Variants in PLCZ1 observed in about 807,000 individuals in gnomAD.
PLCZ1 encodes the protein phospholipase C zeta 1, also known as 1-phosphatidylinositol 4,5-bisphosphate phosphodiesterase zeta-1.
A neutral mutation model predicts 76.8 loss-of-function variants in PLCZ1; 64 were observed. The ratio of observed to expected loss-of-function variants is 0.83; its 90% CI spans 0.68 to 1.03. The LOEUF is 1.03. Ranked by LOEUF, PLCZ1 falls within the 50% of genes least tolerant of loss-of-function variation. The pLI is 0.00. For synonymous variants in PLCZ1, 248 were observed against 230.8 expected (o/e 1.07, Z -0.68); for missense variants, 751 against 713.7 (o/e 1.05, Z -0.60).
the PLCZ1 span, among the ~76,000 whole-genome samples, chr12:18,663,713 A>G: frequency 1.3e-5 from 2 of 152,156 alleles, no homozygotes; most frequent in East Asian, 1.9e-4. Context: ...CATGACACCA[A>G]AGACACAAAC....
At position 18,719,484 on chromosome 12, in the gene PLCZ1, T is replaced by C. The variant is rs961126764; in HGVS notation, c.516A>G (p.Thr172=). 1.9e-6 allele frequency: 3 copies of C among 1,582,248 alleles called. No individual in the cohort carries two copies. The highest frequency in any genetic ancestry group is 2.6e-6 in the Non-Finnish European group (3 of 1,161,224). The change falls in exon 5 of 15, where the codon ACA becomes ACG. Residue 172 remains threonine, a synonymous_variant. Transcript: ENST00000266505. ...NDYFISSSHN[T]YLVSDQLLGP... is the part of the protein sequence containing the mutation. ...CCAATAATTGATCAGATACCAAATA[T>C]GTGTTATGTGAAGATGAAATAAAAT...
the PLCZ1 span, among the ~76,000 whole-genome samples, chr12:18,675,440 C>G: frequency 6.6e-6 from 1 of 152,088 alleles, no homozygotes; most frequent in Non-Finnish European, 1.5e-5. Flanking sequence ...ATTAGTACAA[C>G]CTCTGTGGAA....
the PLCZ1 span, among the ~76,000 whole-genome samples, chr12:18,665,337 T>C: frequency 6.6e-6 from 1 of 152,022 alleles, no homozygotes; most frequent in Non-Finnish European, 1.5e-5. Flanking sequence ...AGAATGTATT[T>C]AATACCACTG....
At chr12:18,722,096 G>A (rs1457014652) in intron 4 of PLCZ1, among the ~76,000 whole-genome samples, 2 of 151,872 alleles carry the variant, frequency 1.3e-5, no homozygotes, top group African/African-American at 4.8e-5. Flanking sequence ...CTCCCATTTT[G>A]TCATATAACT....
chr12:18,694,107 C>G (rs114431806), intron 12 of PLCZ1: 4 of 1,006,590 alleles, frequency 4.0e-6, no homozygotes, highest in Admixed American at 2.0e-5. Context: ...TAGTGAACTA[C>G]GGCTGCCATC....
At chr12:18,652,601 G>GC in the PLCZ1 span, among the ~76,000 whole-genome samples, 129 of 152,148 alleles carry the variant, frequency 8.5e-4, no homozygotes, top group African/African-American at 3.0e-3. Context: ...TGTTGTCCCA[G>GC]CCCCACAAAT....
chr12:18,648,931 T>A, the PLCZ1 span, among the ~76,000 whole-genome samples: 1 of 152,062 alleles, frequency 6.6e-6, no homozygotes. Context: ...ATTCAATGTT[T>A]CCCTGTGTAT....
chr12:18,693,581 G>A (rs1954477903), intron 12 of PLCZ1: 1 of 1,593,976 alleles, frequency 6.3e-7, no homozygotes. Context: ...ACTCGGACGG[G>A]AATTGTTTCG....
the PLCZ1 span, among the ~76,000 whole-genome samples, chr12:18,651,296 G>A: frequency 4.0e-5 from 6 of 151,896 alleles, no homozygotes; most frequent in Non-Finnish European, 7.4e-5. Flanking sequence ...AGATGTCTCC[G>A]TCTCTGCCCT....
chr12:18,646,499 G>A, the PLCZ1 span, among the ~76,000 whole-genome samples: 3 of 152,060 alleles, frequency 2.0e-5, no homozygotes, highest in Non-Finnish European at 4.4e-5. Context: ...AGATTGACCT[G>A]GAACTGAATT....
chr12:18,725,291 G>C (rs1019798109), intron 3 of PLCZ1, among the ~76,000 whole-genome samples: 1 of 152,104 alleles, frequency 6.6e-6, no homozygotes, highest in East Asian at 1.9e-4. Context: ...GGGAAGCGGG[G>C]AGAAGAAAAG....
intron 10 of PLCZ1, 109 bp downstream of exon 10, chr12:18,699,685 A>C: frequency 8.2e-7 from 1 of 1,212,628 alleles, no homozygotes; most frequent in Non-Finnish European, 1.2e-6. Flanking sequence ...AAATGTGTTG[A>C]AATTTTATGA....
At chr12:18,705,825 C>CA (rs1214188105) in intron 6 of PLCZ1, among the ~76,000 whole-genome samples, 4 of 151,962 alleles carry the variant, frequency 2.6e-5, no homozygotes, top group African/African-American at 9.7e-5. Context: ...GAGGTTGCGC[C>CA]ATTGCATTCC....
intron 4 of PLCZ1, among the ~76,000 whole-genome samples, chr12:18,722,725 T>C (rs1958511764): frequency 1.3e-5 from 2 of 152,100 alleles, no homozygotes; most frequent in Admixed American, 6.6e-5. Flanking sequence ...GACAGATCGT[T>C]AGCCTAAATG....
Position 18,723,501 on chromosome 12 carries a change from T to C in PLCZ1, c.177A>G (p.Glu59=), listed in dbSNP as rs1211470798. Residue 59 remains glutamate, a synonymous_variant, in exon 4 of 15, where the codon GAA becomes GAG. Coordinates refer to ENST00000266505, the MANE Select transcript of PLCZ1 (RefSeq NM_033123.4). ...TGATAATTCGATAAATTGCTCTAAA[T>C]TCTTCTATGGTGATTCTTCCTTGTT... ...RLKQGRITIE[E]FRAIYRIITH... 6.2e-7 allele frequency: 1 copy of C among 1,612,850 alleles called. No homozygotes were observed. Among genetic ancestry groups the C allele is most frequent in the South Asian group, 1.1e-5 (1 of 91,058 alleles).
the PLCZ1 span, among the ~76,000 whole-genome samples, chr12:18,652,817 G>C: frequency 1.3e-5 from 2 of 152,066 alleles, no homozygotes; most frequent in African/African-American, 4.8e-5. Flanking sequence ...TATGTCTCCA[G>C]AGAGTAGTAA....
chr12:18,687,218 T>C (rs1953288506), intron 13 of PLCZ1, among the ~76,000 whole-genome samples: 1 of 152,144 alleles, frequency 6.6e-6, no homozygotes, highest in Non-Finnish European at 1.5e-5. Flanking sequence ...ACTGGAAGTA[T>C]TCAGGGGAGT....
chr12:18,651,192 G>T, the PLCZ1 span, among the ~76,000 whole-genome samples: 1 of 151,764 alleles, frequency 6.6e-6, no homozygotes, highest in Non-Finnish European at 1.5e-5. Flanking sequence ...CTTCATCCCT[G>T]GGATCTTTGA....
chr12:18,731,545 T>TTC (rs1300792305), intron 3 of PLCZ1, among the ~76,000 whole-genome samples: 1 of 147,596 alleles, frequency 6.8e-6, no homozygotes, highest in East Asian at 2.0e-4. Context: ...TTTTTTTTTT[T>TTC]TTTTTTTTTT....
Sources: gnomAD v4.1 joint callset for allele counts (sites outside exome capture counted in the v4.1 genomes callset) on GRCh38, gnomAD v4.1.1 for gene constraint, MANE v1.5 for transcripts, NCBI Gene and HGNC (gene_info 2026-07-23, HGNC 2026-07-21) for gene names.